Variants in ERICH6 observed in about 807,000 individuals in gnomAD.
ERICH6 encodes glutamate-rich protein 6.
In ERICH6, 71 loss-of-function variants were observed where a neutral mutation model predicts 71.0. That is an observed-to-expected ratio of 1.00 (90% CI 0.83 to 1.22). The LOEUF (loss-of-function observed/expected upper bound fraction) is 1.22, where lower values mean the gene tolerates loss of function less well. Ranked by LOEUF, ERICH6 falls within the 50% of genes most tolerant of loss-of-function variation. The pLI is 0.00. For missense variants in ERICH6, 808 were observed against 797.2 expected, an observed-to-expected ratio of 1.01 and a Z score of -0.16; for synonymous variants, 262 against 278.4, an observed-to-expected ratio of 0.94 and a Z score of 0.59.
intron 1 of ERICH6, among the ~76,000 whole-genome samples, chr3:150,702,898 G>GTGTC (rs1472145748): frequency 2.1e-5 from 3 of 141,604 alleles, no homozygotes; most frequent in African/African-American, 7.9e-5. Flanking sequence ...GAGTGTGTGT[G>GTGTC]TGTGTGTGTG....
intron 3 of ERICH6, among the ~76,000 whole-genome samples, chr3:150,688,401 C>T (rs561408974): frequency 1.1e-3 from 174 of 152,210 alleles, no homozygotes; most frequent in African/African-American, 3.8e-3. Context: ...CTGTATATGA[C>T]GAAATATTAT....
intron 10 of ERICH6, 24 bp from the exon 11 acceptor site, chr3:150,674,065 A>T: frequency 6.2e-7 from 1 of 1,600,054 alleles, no homozygotes; most frequent in Non-Finnish European, 8.5e-7. Context: ...AAAAGAAAAG[A>T]CACTTAATTG....
At chr3:150,682,167 A>G (rs775470419) in intron 7 of ERICH6, 51 bp downstream of exon 7, 3 of 1,436,594 alleles carry the variant, frequency 2.1e-6, no homozygotes, top group Non-Finnish European at 2.0e-6. Context: ...AAAATACTAC[A>G]TATGTTTAAA....
chr3:150,680,967 C>A, intron 7 of ERICH6, 37 bp from the exon 8 acceptor site: 1 of 1,562,432 alleles, frequency 6.4e-7, no homozygotes, highest in Admixed American at 2.0e-5. Context: ...CTCATTAGTC[C>A]TAGATGAGGA....
In ERICH6 at chr3:150,703,820, C is replaced by T; in HGVS notation, c.79G>A (p.Glu27Lys). The change falls in exon 1 of 14, where the codon GAG becomes AAG. Residue 27 changes from glutamate (E) to lysine (K), a missense_variant. Transcript: ENST00000295910. ...DQKESEEELEEEEEEEEVEEE... is the reference protein window; with the variant it reads ...DQKESEEELEKEEEEEEVEEE... ...TCCACCTCTTCCTCCTCCTCCTCCT[C>T]CTCTAACTCCTCCTCTGACTCCTTC... The T allele has an allele frequency of 6.2e-7, 1 of 1,613,898 alleles. No homozygotes were observed. Among genetic ancestry groups the T allele is most frequent in the Non-Finnish European group, 8.5e-7 (1 of 1,179,898 alleles).
At chr3:150,671,981 G>T (rs1430865727) in intron 11 of ERICH6, among the ~76,000 whole-genome samples, 4 of 152,070 alleles carry the variant, frequency 2.6e-5, no homozygotes, top group East Asian at 1.9e-4. Flanking sequence ...ATGCCACAAA[G>T]TATGCACAAA....
intron 10 of ERICH6, among the ~76,000 whole-genome samples, chr3:150,675,785 TCTA>T (rs1711627624): frequency 6.6e-6 from 1 of 151,998 alleles, no homozygotes; most frequent in African/African-American, 2.4e-5. Flanking sequence ...CATCTGCTAA[TCTA>T]ATTGTTTTCT....
chr3:150,687,006 A>G (rs892933849), intron 3 of ERICH6, among the ~76,000 whole-genome samples: 2 of 152,208 alleles, frequency 1.3e-5, no homozygotes, highest in Non-Finnish European at 2.9e-5. Flanking sequence ...CCCTGTCTCT[A>G]CTAAAAATAC....
chr3:150,681,996 G>A (rs1711970000), intron 7 of ERICH6, among the ~76,000 whole-genome samples: 1 of 151,690 alleles, frequency 6.6e-6, no homozygotes, highest in South Asian at 2.1e-4. Flanking sequence ...TTGTATTTTA[G>A]TAGACACAGG....
intron 12 of ERICH6, among the ~76,000 whole-genome samples, chr3:150,667,619 C>G (rs544881111): frequency 6.6e-6 from 1 of 152,256 alleles, no homozygotes; most frequent in South Asian, 2.1e-4. Flanking sequence ...TCTCTTCAGA[C>G]CATGAATGCC....
intron 6 of ERICH6, among the ~76,000 whole-genome samples, chr3:150,684,457 T>C (rs968178655): frequency 6.6e-6 from 1 of 152,166 alleles, no homozygotes; most frequent in African/African-American, 2.4e-5. Flanking sequence ...TGTGCATCCA[T>C]GACATGTTGC....
chr3:150,699,353 A>G (rs1712772807), intron 2 of ERICH6, among the ~76,000 whole-genome samples: 1 of 152,114 alleles, frequency 6.6e-6, no homozygotes, highest in Non-Finnish European at 1.5e-5. Flanking sequence ...CATACACTGA[A>G]GTGTCCTTGC....
In ERICH6 at chr3:150,702,101, A is replaced by G; in HGVS notation, c.461+20T>C. The G allele has an allele frequency of 6.7e-7, 1 of 1,497,744 alleles. No individual in the cohort carries two copies. The highest frequency in any genetic ancestry group is 9.2e-7 in the Non-Finnish European group (1 of 1,089,826). 92.8% of individuals were successfully genotyped at this position (1,497,744 alleles called of 1,614,324 possible). Reference sequence around the variant, plus strand: ...CATTATTGGGTTCAAAAAATGTGAAATTTGAAAACATTTTCTTACCTATCT... The same window carrying G: ...CATTATTGGGTTCAAAAAATGTGAAGTTTGAAAACATTTTCTTACCTATCT... On this transcript the variant is annotated intron_variant, in intron 2 of 13. Coordinates refer to ENST00000295910, the MANE Select transcript of ERICH6 (RefSeq NM_152394.5).
At chr3:150,686,530 A>G (rs1712198447) in intron 3 of ERICH6, among the ~76,000 whole-genome samples, 176 bp from the exon 4 acceptor site, 1 of 152,244 alleles carries the variant, frequency 6.6e-6, no homozygotes, top group Admixed American at 6.5e-5. Flanking sequence ...AACAAAGGAA[A>G]GTTAGCATTC....
chr3:150,684,243 A>G (rs1712088454), intron 6 of ERICH6, among the ~76,000 whole-genome samples: 1 of 152,180 alleles, frequency 6.6e-6, no homozygotes, highest in South Asian at 2.1e-4. Flanking sequence ...TAAAAAAACA[A>G]AAGAATTTCA....
In ERICH6 at chr3:150,685,755, C is replaced by A. The variant is rs749656944; in HGVS notation, c.770G>T (p.Gly257Val). The change falls in exon 6 of 14, where the codon GGC (glycine) becomes GTC (valine). Residue 257 changes from glycine to valine, a missense_variant. Gly to Val is a moderately radical substitution (Grantham distance 109). Around this residue, in one of 3 missense-constraint regions of ERICH6, gnomAD observed 736 missense variants for 712.2 expected, o/e 1.03. Transcript: ENST00000295910. ...LAYKEESSNLGINFKDEEEET... is the reference protein window; with the variant it reads ...LAYKEESSNLVINFKDEEEET... ...AATTAAAGTCACCTTGAAGTTAATG[C>A]CTAAATTGGAGCTCTCTTCTTTGTA... 5.0e-6 allele frequency: 8 copies of A among 1,611,896 alleles called. No homozygotes were observed. Among genetic ancestry groups the A allele is most frequent in the Admixed American group, 1.7e-5 (1 of 59,660 alleles).
intron 9 of ERICH6, among the ~76,000 whole-genome samples, chr3:150,678,939 G>T (rs1198893272): frequency 6.7e-6 from 1 of 149,776 alleles, no homozygotes; most frequent in African/African-American, 2.5e-5. Context: ...TGCTTGTGAG[G>T]CTAAGGCAGG....
chr3:150,696,725 A>G (rs912951848), intron 3 of ERICH6, among the ~76,000 whole-genome samples: 7 of 152,212 alleles, frequency 4.6e-5, no homozygotes, highest in African/African-American at 1.7e-4. Context: ...ATTAAGAAAT[A>G]AAATAATAAT....
intron 3 of ERICH6, among the ~76,000 whole-genome samples, chr3:150,691,245 C>T (rs896524341): frequency 1.3e-5 from 2 of 152,080 alleles, no homozygotes; most frequent in Non-Finnish European, 2.9e-5. Context: ...TAGATGAACT[C>T]ATTATAATTT....
Sources: gnomAD v4.1 joint callset for allele counts (sites outside exome capture counted in the v4.1 genomes callset) on GRCh38, gnomAD v4.1.1 for gene constraint, gnomAD v4.1.1 regional missense constraint, MANE v1.5 for transcripts, NCBI Gene and HGNC (gene_info 2026-07-23, HGNC 2026-07-21) for gene names.